Variants in PGM5 observed in about 807,000 individuals in gnomAD.
The protein encoded by PGM5 is phosphoglucomutase-like protein 5.
Under a neutral mutation model 59.2 loss-of-function variants are expected in PGM5, and 23 were observed. The observed-to-expected ratio is 0.39, with a 90% CI of 0.28 to 0.55. The LOEUF (loss-of-function observed/expected upper bound fraction) is 0.55. Ranked by LOEUF, PGM5 falls within the 20% of genes least tolerant of loss-of-function variation. PGM5 has a pLI of 0.66. For synonymous variants in PGM5, 214 were observed against 286.0 expected (o/e 0.75, Z 2.54); for missense variants, 574 against 748.3 (o/e 0.77, Z 2.72).
intron 1 of PGM5, 72 bp downstream of exon 1, chr9:68,357,460 T>C: frequency 1.3e-6 from 2 of 1,522,856 alleles, no homozygotes; most frequent in Non-Finnish European, 1.8e-6. Context: ...GTCCCCCTGC[T>C]GCCTCCGGGC....
intron 10 of PGM5, among the ~76,000 whole-genome samples, chr9:68,502,375 C>T (rs934041194): frequency 2.0e-5 from 3 of 152,162 alleles, no homozygotes; most frequent in African/African-American, 7.2e-5. Flanking sequence ...CAATTGTTTC[C>T]GTTTTCTTTC....
At chr9:68,480,579 C>A (rs995140802) in intron 8 of PGM5, among the ~76,000 whole-genome samples, 2 of 151,888 alleles carry the variant, frequency 1.3e-5, no homozygotes, top group Admixed American at 6.6e-5. Context: ...GTGGTGCACA[C>A]CTGTAGCTAC....
chr9:68,444,062 C>CTTTTTTTT (rs71920005), intron 6 of PGM5, among the ~76,000 whole-genome samples: 2 of 131,622 alleles, frequency 1.5e-5, no homozygotes, highest in Non-Finnish European at 3.3e-5. Flanking sequence ...TTCTTTCTTT[C>CTTTTTTTT]TTTTTTTTTT....
chr9:68,528,171 CCT>C (rs1260544692), intron 10 of PGM5, among the ~76,000 whole-genome samples: 6 of 152,210 alleles, frequency 3.9e-5, no homozygotes, highest in African/African-American at 1.2e-4. Context: ...CTTCCATTAT[CCT>C]AATATTACCC....
chr9:68,489,881 A>C (rs1824361374), intron 9 of PGM5, among the ~76,000 whole-genome samples: 1 of 151,974 alleles, frequency 6.6e-6, no homozygotes, highest in African/African-American at 2.4e-5. Flanking sequence ...CAATTTGATT[A>C]TGTCAGGCTA....
intron 6 of PGM5, among the ~76,000 whole-genome samples, chr9:68,406,670 ATATATATG>A (rs1249554461): frequency 0.39 from 2,882 of 7,398 alleles, 604 homozygotes; most frequent in Non-Finnish European, 0.44. Flanking sequence ...GTATATATAT[ATATATATG>A]TATATATATA....
intron 6 of PGM5, among the ~76,000 whole-genome samples, chr9:68,439,722 T>C (rs1554683571): frequency 6.6e-6 from 1 of 150,724 alleles, no homozygotes; most frequent in African/African-American, 2.4e-5. Context: ...CACACATATA[T>C]ATATATAAAT....
At chr9:68,512,383 T>C (rs782802997) in intron 10 of PGM5, among the ~76,000 whole-genome samples, 1 of 152,214 alleles carries the variant, frequency 6.6e-6, no homozygotes, top group Non-Finnish European at 1.5e-5. Flanking sequence ...ATTAGTTTGC[T>C]AGGGCTGATA....
At chr9:68,518,101 G>T (rs1824848829) in intron 10 of PGM5, among the ~76,000 whole-genome samples, 1 of 152,330 alleles carries the variant, frequency 6.6e-6, no homozygotes, top group South Asian at 2.1e-4. Context: ...GACCTGTGTG[G>T]CATTTTCGTG....
At chr9:68,495,781 C>A (rs1587216131) in intron 9 of PGM5, among the ~76,000 whole-genome samples, 1 of 152,208 alleles carries the variant, frequency 6.6e-6, no homozygotes, top group African/African-American at 2.4e-5. Context: ...AACATAATTT[C>A]TCTCTACTGA....
At chr9:68,456,755 G>A (rs1823786205) in intron 6 of PGM5, among the ~76,000 whole-genome samples, 1 of 151,300 alleles carries the variant, frequency 6.6e-6, no homozygotes, top group Non-Finnish European at 1.5e-5. Flanking sequence ...CTCCCAAGTA[G>A]CTAGGATTAC....
chr9:68,384,693 A>G, intron 3 of PGM5, 149 bp downstream of exon 3: 1 of 537,204 alleles, frequency 1.9e-6, no homozygotes, highest in South Asian at 2.9e-5. Flanking sequence ...TGGTGTAGAG[A>G]GAAGACATGA....
chr9:68,498,050 A>C (rs1168662464), intron 9 of PGM5: 1 of 152,244 alleles, frequency 6.6e-6, no homozygotes, highest in East Asian at 1.9e-4. Flanking sequence ...AGAAGTGTGA[A>C]AGGAAATTCA....
chr9:68,511,652 G>A (rs547109868), intron 10 of PGM5, among the ~76,000 whole-genome samples: 1 of 140,028 alleles, frequency 7.1e-6, no homozygotes, highest in African/African-American at 2.6e-5. Context: ...CCAGGTTCAA[G>A]CAATTCTCCT....
intron 10 of PGM5, among the ~76,000 whole-genome samples, chr9:68,518,004 G>GCAT (rs1469663357): frequency 6.6e-6 from 1 of 152,232 alleles, no homozygotes; most frequent in Non-Finnish European, 1.5e-5. Flanking sequence ...AAGGTGACCG[G>GCAT]CATCAGGTCC....
intron 6 of PGM5, among the ~76,000 whole-genome samples, chr9:68,450,251 A>G (rs1184222652): frequency 3.3e-5 from 5 of 151,632 alleles, no homozygotes; most frequent in Non-Finnish European, 7.4e-5. Flanking sequence ...GAAATAAAAA[A>G]TAAAAACAAA....
intron 6 of PGM5, chr9:68,429,413 C>T (rs1823305920): frequency 6.6e-6 from 1 of 152,120 alleles, no homozygotes. Flanking sequence ...AATCCAGATT[C>T]TAAAGCAGGA....
intron 2 of PGM5, among the ~76,000 whole-genome samples, chr9:68,383,527 G>T (rs1179021384): frequency 6.6e-6 from 1 of 151,840 alleles, no homozygotes; most frequent in Non-Finnish European, 1.5e-5. Context: ...ATTGGACAAT[G>T]CAGTTCTAAG....
Position 68,479,452 on chromosome 9 carries a change from G to A in PGM5, c.1194G>A (p.Trp398Ter). Residue 398 changes from tryptophan to a stop codon, truncating the protein, a stop_gained, in exon 8 of 11, where the codon TGG becomes TGA. Transcript: ENST00000396396. LOFTEE classifies it high-confidence loss of function. The part of the protein sequence containing the change: ...SDHLREKDGL[W>*]AVLVWLSIIA... ...ACCTCCGAGAGAAGGATGGCCTGTG[G>A]GCTGTCTTGGTCTGGCTCTCCATTA... The A allele has an allele frequency of 6.2e-7, 1 of 1,613,950 alleles. No individual in the cohort carries two copies. Among genetic ancestry groups the A allele is most frequent in the East Asian group, 2.2e-5 (1 of 44,856 alleles).
Sources: allele counts gnomAD v4.1 joint callset (sites outside exome capture counted in the v4.1 genomes callset), GRCh38; gene constraint gnomAD v4.1.1; transcripts MANE v1.5; gene names NCBI Gene and HGNC (gene_info 2026-07-23, HGNC 2026-07-21).